The following SESTD1 variants were observed in gnomAD, a reference collection of about 807,000 sequenced individuals.
SESTD1 encodes the protein SEC14 domain and spectrin repeat-containing protein 1.
A neutral mutation model predicts 101.7 loss-of-function variants in SESTD1; 43 were observed. The observed-to-expected ratio is 0.42, with a 90% CI of 0.33 to 0.55. The LOEUF (loss-of-function observed/expected upper bound fraction) is 0.55, where lower values mean the gene tolerates loss of function less well. Ranked by LOEUF, SESTD1 falls within the 20% of genes least tolerant of loss-of-function variation. The probability of loss-of-function intolerance (pLI) is 0.07; values close to 1 mark genes in which losing one functional copy is unlikely to be tolerated. For synonymous variants in SESTD1, 283 were observed against 286.8 expected, an observed-to-expected ratio of 0.99 and a Z score of 0.13; for missense variants, 647 against 815.1, an observed-to-expected ratio of 0.79 and a Z score of 2.51.
chr2:179,252,673 G>C (rs2047335529), intron 1 of SESTD1, among the ~76,000 whole-genome samples: 1 of 152,196 alleles, frequency 6.6e-6, no homozygotes, highest in Non-Finnish European at 1.5e-5. Flanking sequence ...AATTGAGGAA[G>C]TAGGGGCTTT....
chr2:179,174,284 A>G (rs2045973129), intron 4 of SESTD1: 1 of 373,744 alleles, frequency 2.7e-6, no homozygotes, highest in Admixed American at 4.2e-5. Flanking sequence ...CTGTTTGACT[A>G]GAAGTAAAAA....
chr2:179,264,475 G>C (rs1375645229), intron 1 of SESTD1, 24 bp downstream of exon 1: 1 of 150,628 alleles, frequency 6.6e-6, no homozygotes, highest in Admixed American at 6.6e-5. Context: ...TCTCCCGCCC[G>C]GGCCGAGCGG....
intron 10 of SESTD1, among the ~76,000 whole-genome samples, chr2:179,128,747 G>T (rs919987062): frequency 7.7e-6 from 1 of 129,760 alleles, no homozygotes; most frequent in African/African-American, 2.8e-5. Flanking sequence ...AAAAAGAAAA[G>T]AAAAAAAAAA....
intron 15 of SESTD1, among the ~76,000 whole-genome samples, chr2:179,115,589 A>G (rs1225723247): frequency 6.6e-6 from 1 of 151,982 alleles, no homozygotes; most frequent in Non-Finnish European, 1.5e-5. Flanking sequence ...CTCTAAAAAA[A>G]TGAAAAAAAT....
At chr2:179,125,117 C>T (rs1447699574) in intron 10 of SESTD1, among the ~76,000 whole-genome samples, 1 of 152,152 alleles carries the variant, frequency 6.6e-6, no homozygotes, top group Admixed American at 6.5e-5. Flanking sequence ...CTCCAACTAA[C>T]TTGTCCTCAC....
intron 5 of SESTD1, among the ~76,000 whole-genome samples, chr2:179,155,572 T>C (rs2045612298): frequency 6.6e-6 from 1 of 151,790 alleles, no homozygotes; most frequent in Non-Finnish European, 1.5e-5. Flanking sequence ...GCTATGATCG[T>C]GCCACTGCAC....
intron 5 of SESTD1, among the ~76,000 whole-genome samples, chr2:179,158,583 C>A (rs1200530724): frequency 6.6e-6 from 1 of 152,092 alleles, no homozygotes; most frequent in African/African-American, 2.4e-5. Context: ...TATTTAAGAG[C>A]ATATTATCCT....
intron 1 of SESTD1, among the ~76,000 whole-genome samples, chr2:179,235,063 G>A (rs112696548): frequency 3.9e-5 from 6 of 152,228 alleles, no homozygotes; most frequent in African/African-American, 1.4e-4. Context: ...TCCTGAACTG[G>A]AACCTAAACC....
chr2:179,212,232 T>G (rs2046660195), intron 1 of SESTD1, among the ~76,000 whole-genome samples: 1 of 134,568 alleles, frequency 7.4e-6, no homozygotes, highest in Non-Finnish European at 1.6e-5. Context: ...CGGGGGATTT[T>G]CCTTTCCTAG....
At chr2:179,197,550 A>G (rs2046421830) in intron 1 of SESTD1, among the ~76,000 whole-genome samples, 1 of 152,266 alleles carries the variant, frequency 6.6e-6, no homozygotes, top group African/African-American at 2.4e-5. Flanking sequence ...TGTTAAGGGC[A>G]GCCAGAGAGA....
intron 1 of SESTD1, among the ~76,000 whole-genome samples, chr2:179,229,722 T>A (rs1250719172): frequency 7.0e-6 from 1 of 141,848 alleles, no homozygotes; most frequent in Non-Finnish European, 1.5e-5. Context: ...CTTATATACA[T>A]AAAGAAATTT....
At position 179,109,070 on chromosome 2, in the gene SESTD1, T is replaced by C. The variant is rs1376914409; in HGVS notation, c.*829A>G. On this transcript the variant is annotated 3_prime_UTR_variant, in exon 18 of 18. Transcript: ENST00000428443. ...TTTTCAAGTTGAAAAAGAGAAAAATTAGAAATAGTATTCCATTATTAATAA... is the reference window on the plus strand; with the variant it reads ...TTTTCAAGTTGAAAAAGAGAAAAATCAGAAATAGTATTCCATTATTAATAA... The C allele has an allele frequency of 6.6e-6, 1 of 152,526 alleles. No individual in the cohort carries two copies. Among genetic ancestry groups the C allele is most frequent in the Non-Finnish European group, 1.5e-5 (1 of 67,996 alleles). 9.4% of individuals were successfully genotyped at this position (152,526 alleles called of 1,614,324 possible).
In SESTD1 at chr2:179,172,246, GA is replaced by G; in HGVS notation, c.256-14del. On this transcript the variant is annotated splice_polypyrimidine_tract_variant and intron_variant, in intron 4 of 17. Transcript: ENST00000428443. The stretch of plus-strand genomic sequence containing the variant: ...CTGGAACAACATTCTATAAAATACA[GA>G]AAAATAATTACAAATTACACATGTA... 1 of 1,506,276 alleles carries G rather than the reference GA, an allele frequency of 6.6e-7. No homozygotes were observed. Among genetic ancestry groups the G allele is most frequent in the Non-Finnish European group, 9.1e-7 (1 of 1,098,386 alleles). The allele number at this position is 1,506,276 out of a possible 1,614,324, so 93.3% of individuals were successfully genotyped here. A position where few individuals can be genotyped will look rare whatever the true frequency, so the allele number is the denominator to read the frequency against.
At chr2:179,169,541 C>T (rs2045894128) in intron 5 of SESTD1, among the ~76,000 whole-genome samples, 1 of 152,032 alleles carries the variant, frequency 6.6e-6, no homozygotes, top group African/African-American at 2.4e-5. Flanking sequence ...CAGGCAGACA[C>T]AACATTACCA....
chr2:179,102,788 T>C lies in SESTD1; in HGVS notation c.*7111A>G, dbSNP rs894685795. The C allele has an allele frequency of 3.9e-5, 6 of 151,966 alleles. No homozygotes were observed. The highest frequency in any genetic ancestry group is 9.7e-5 in the African/African-American group (4 of 41,358). The allele number at this position is 151,966 out of a possible 1,614,324, so 9.4% of individuals were successfully genotyped here. On this transcript the variant is annotated 3_prime_UTR_variant, in exon 18 of 18. Transcript: ENST00000428443. ...GTGAAAAAACTACAGCTGGGTGGTA[T>C]TGAATAAAGAGACAATATTGAAAAT...
chr2:179,243,963 C>T (rs58047628), intron 1 of SESTD1, among the ~76,000 whole-genome samples: 7,694 of 119,368 alleles, frequency 0.064, 283 homozygotes, highest in African/African-American at 0.14. Context: ...TATATATATA[C>T]ACACACACAC....
In SESTD1 at chr2:179,151,278, C is replaced by A; in HGVS notation, c.483G>T (p.Leu161=). The A allele has an allele frequency of 6.4e-7, 1 of 1,572,600 alleles. No homozygotes were observed. The change falls in exon 6 of 18, where the codon CTG becomes CTT. Residue 161 remains leucine, a splice_region_variant and synonymous_variant. Coordinates refer to ENST00000428443, the MANE Select transcript of SESTD1 (RefSeq NM_178123.5). The part of the protein sequence containing the change: ...YDHMDWLNKR[L]VFEKFTKEST... ...TTTTATCTCATTGTAATATACCAAC[C>A]AGCCTCTTATTTAACCAGTCCATGT...
intron 1 of SESTD1, among the ~76,000 whole-genome samples, chr2:179,196,608 T>A (rs1318110235): frequency 1.3e-5 from 2 of 152,168 alleles, no homozygotes; most frequent in Non-Finnish European, 2.9e-5. Flanking sequence ...CAGCTAGAGA[T>A]CTGAGAATGG....
At chr2:179,119,006 C>T (rs949371181) in intron 13 of SESTD1, among the ~76,000 whole-genome samples, 1 of 152,066 alleles carries the variant, frequency 6.6e-6, no homozygotes, top group Non-Finnish European at 1.5e-5. Flanking sequence ...CAGCATGATG[C>T]TTTCAGGGAG....
Sources: allele counts gnomAD v4.1 joint callset (sites outside exome capture counted in the v4.1 genomes callset), GRCh38; gene constraint gnomAD v4.1.1; transcripts MANE v1.5; gene names NCBI Gene and HGNC (gene_info 2026-07-23, HGNC 2026-07-21).